LAMA2: variants seen among roughly 807,000 people sequenced by gnomAD.
LAMA2 encodes the protein laminin subunit alpha 2, also known as laminin subunit alpha-2.
In LAMA2, 269 loss-of-function variants were observed where a neutral mutation model predicts 364.8. That is an observed-to-expected ratio of 0.74 (90% CI 0.67 to 0.82). The LOEUF is 0.82. Among genes scored for constraint, LAMA2 ranks in the 40% least tolerant of loss-of-function variants. The pLI, the probability that LAMA2 is intolerant of heterozygous loss-of-function variation, is 0.00. For synonymous variants in LAMA2, 1,379 were observed against 1,370.6 expected, an observed-to-expected ratio of 1.01 and a Z score of -0.14; for missense variants, 3,807 against 3,873.2, an observed-to-expected ratio of 0.98 and a Z score of 0.45.
At position 129,456,501 on chromosome 6, in the gene LAMA2, T is replaced by G; in HGVS notation, c.6867+7T>G. The G allele has an allele frequency of 6.2e-7, 1 of 1,610,774 alleles. No individual in the cohort carries two copies. Among genetic ancestry groups the G allele is most frequent in the South Asian group, 1.1e-5 (1 of 91,018 alleles). On this transcript the variant is annotated splice_region_variant and intron_variant, in intron 48 of 64. Coordinates refer to ENST00000421865, the MANE Select transcript of LAMA2 (RefSeq NM_000426.4). ...CCTGACTGGGAAATTAAAGGTAATGTGTTCATCCTCCTCCTGTTTATTTCA... is the reference window on the plus strand; with the variant it reads ...CCTGACTGGGAAATTAAAGGTAATGGGTTCATCCTCCTCCTGTTTATTTCA...
At chr6:128,961,339 A>ATATATATT (rs1781492183) in intron 1 of LAMA2, among the ~76,000 whole-genome samples, 5 of 47,282 alleles carry the variant, frequency 1.1e-4, no homozygotes, top group African/African-American at 3.2e-4. Flanking sequence ...ATATATATAT[A>ATATATATT]TATATATATA....
At chr6:129,176,095 C>T (rs1031756284) in intron 9 of LAMA2, among the ~76,000 whole-genome samples, 1 of 151,824 alleles carries the variant, frequency 6.6e-6, no homozygotes, top group Non-Finnish European at 1.5e-5. Context: ...TTTTTCCATA[C>T]TCAACAAAAA....
At chr6:129,048,920 T>C (rs1787798905) in intron 1 of LAMA2, among the ~76,000 whole-genome samples, 1 of 152,014 alleles carries the variant, frequency 6.6e-6, no homozygotes, top group Non-Finnish European at 1.5e-5. Context: ...CGGCGAGGAA[T>C]GACTTTCTAT....
chr6:129,271,464 C>CT (rs11287525), intron 17 of LAMA2, among the ~76,000 whole-genome samples: 1,144 of 80,016 alleles, frequency 0.014, 21 homozygotes, highest in Middle Eastern at 0.032. Flanking sequence ...AATTGGGATA[C>CT]TTTTTTTTTT....
At position 129,452,480 on chromosome 6, in the gene LAMA2, C is replaced by T. The variant is rs570622613; in HGVS notation, c.6430-508C>T. Among the ~76,000 whole-genome samples, 3 of 152,216 alleles carry T rather than the reference C, an allele frequency of 2.0e-5. No individual in the cohort carries two copies. In the South Asian group the frequency reaches 6.2e-4, roughly 32 times the overall value. ...ATTAATATTCTTCTTATTGTTAGAA[C>T]ATCTAGAACAAAATCTATTTGTCCT... is the stretch of plus-strand genomic sequence containing the variant. On this transcript the variant is annotated intron_variant, in intron 45 of 64. Transcript: ENST00000421865.
At chr6:128,961,574 G>C (rs1161013133) in intron 1 of LAMA2, among the ~76,000 whole-genome samples, 3 of 149,396 alleles carry the variant, frequency 2.0e-5, no homozygotes, top group Non-Finnish European at 4.4e-5. Flanking sequence ...ATCCAGCAAG[G>C]GAGAAAGATG....
At chr6:129,276,716 C>G (rs1005546236) in intron 17 of LAMA2, among the ~76,000 whole-genome samples, 3 of 151,972 alleles carry the variant, frequency 2.0e-5, no homozygotes, top group African/African-American at 7.3e-5. Context: ...GTTGATCCAC[C>G]CTTATCAAAT....
intron 40 of LAMA2, among the ~76,000 whole-genome samples, chr6:129,412,801 A>G (rs1780600566): frequency 6.6e-6 from 1 of 152,254 alleles, no homozygotes; most frequent in South Asian, 2.1e-4. Flanking sequence ...ATGAAGAGAC[A>G]TGTAGGCCCC....
chr6:129,018,631 C>T (rs1443941827), intron 1 of LAMA2, among the ~76,000 whole-genome samples: 2 of 151,728 alleles, frequency 1.3e-5, no homozygotes, highest in Non-Finnish European at 2.9e-5. Context: ...GGCTATTTCA[C>T]TGGATATTTC....
At chr6:129,120,024 G>A (rs941330924) in intron 4 of LAMA2, among the ~76,000 whole-genome samples, 2 of 152,092 alleles carry the variant, frequency 1.3e-5, no homozygotes, top group African/African-American at 4.8e-5. Context: ...TTTCTAGCAC[G>A]TGTATACTAA....
intron 1 of LAMA2, among the ~76,000 whole-genome samples, chr6:129,043,717 AATAGC>A (rs147001697): frequency 0.014 from 2,063 of 152,262 alleles, 23 homozygotes; most frequent in Non-Finnish European, 0.017. Context: ...TGTCATGAAT[AATAGC>A]ACATTGTAGA....
chr6:128,969,223 G>C (rs1017083617), intron 1 of LAMA2, among the ~76,000 whole-genome samples: 2 of 152,002 alleles, frequency 1.3e-5, no homozygotes, highest in East Asian at 3.9e-4. Flanking sequence ...CCTCTTTTTT[G>C]GTCTCCACAG....
chr6:128,903,475 G>A (rs1477306578), intron 1 of LAMA2, among the ~76,000 whole-genome samples: 1 of 152,090 alleles, frequency 6.6e-6, no homozygotes, highest in African/African-American at 2.4e-5. Context: ...TGATTTCCTG[G>A]TGGCTTTTAT....
At chr6:129,208,099 G>T (rs903930096) in intron 12 of LAMA2, among the ~76,000 whole-genome samples, 3 of 152,176 alleles carry the variant, frequency 2.0e-5, no homozygotes, top group African/African-American at 7.2e-5. Context: ...CTTGGAGATT[G>T]CTCACAGCAT....
chr6:129,250,708 G>A (rs1392510340), intron 13 of LAMA2, among the ~76,000 whole-genome samples: 1 of 152,092 alleles, frequency 6.6e-6, no homozygotes, highest in Non-Finnish European at 1.5e-5. Flanking sequence ...AAGGGCCATA[G>A]GCAACTTCAA....
chr6:129,264,304 A>G (rs1243614447), intron 15 of LAMA2, among the ~76,000 whole-genome samples: 2 of 151,974 alleles, frequency 1.3e-5, no homozygotes, highest in East Asian at 1.9e-4. Flanking sequence ...GAGTTTAAGA[A>G]TGAGTCATAG....
intron 56 of LAMA2, among the ~76,000 whole-genome samples, chr6:129,490,477 G>A (rs989048558): frequency 6.6e-6 from 1 of 152,176 alleles, no homozygotes; most frequent in Non-Finnish European, 1.5e-5. Context: ...ACCAGAAAGA[G>A]GAAGGCCTCT....
At chr6:129,069,072 CT>C (rs1199521304) in intron 3 of LAMA2, among the ~76,000 whole-genome samples, 1 of 151,722 alleles carries the variant, frequency 6.6e-6, no homozygotes, top group Non-Finnish European at 1.5e-5. Context: ...CTAGAAAATG[CT>C]TCTTGAAGTC....
At position 129,143,903 on chromosome 6, in the gene LAMA2, T is replaced by C. The variant is rs765031378; in HGVS notation, c.642T>C (p.Ile214=). The C allele has an allele frequency of 5.0e-6, 8 of 1,589,984 alleles. No individual in the cohort carries two copies. The highest frequency in any genetic ancestry group is 6.9e-6 in the Non-Finnish European group (8 of 1,159,352). The change falls in exon 5 of 65, where the codon ATT becomes ATC. Residue 214 remains isoleucine (I), a splice_region_variant and synonymous_variant. Coordinates refer to ENST00000421865, the MANE Select transcript of LAMA2 (RefSeq NM_000426.4). ...SKIHPLENGE[I]HISLINGRPS... Reference sequence around the variant, plus strand: ...AAATTATTTTTCATATTGTGTAGATTCACATCTCTTTAATCAATGGGAGAC... The same window carrying C: ...AAATTATTTTTCATATTGTGTAGATCCACATCTCTTTAATCAATGGGAGAC...
Sources: allele counts gnomAD v4.1 joint callset (sites outside exome capture counted in the v4.1 genomes callset), GRCh38; gene constraint gnomAD v4.1.1; transcripts MANE v1.5; gene names NCBI Gene and HGNC (gene_info 2026-07-23, HGNC 2026-07-21).